RPS6KC1: variants seen among roughly 807,000 people sequenced by gnomAD.
The protein encoded by RPS6KC1 is inactive ribosomal protein S6 kinase delta-1.
A neutral mutation model predicts 103.8 loss-of-function variants in RPS6KC1; 54 were observed. The observed-to-expected ratio is 0.52, with a 90% CI of 0.42 to 0.65. RPS6KC1 has a LOEUF of 0.65. Ranked by LOEUF, RPS6KC1 falls within the 30% of genes least tolerant of loss-of-function variation. RPS6KC1 has a pLI of 0.00. For missense variants in RPS6KC1, 1,151 were observed against 1,253.8 expected (o/e 0.92, Z 1.24); for synonymous variants, 439 against 438.7 (o/e 1.00, Z -0.01).
intron 6 of RPS6KC1, among the ~76,000 whole-genome samples, chr1:213,138,277 A>T (rs183497434): frequency 2.5e-4 from 37 of 148,400 alleles, no homozygotes; most frequent in African/African-American, 8.9e-4. Context: ...CACTTTGCAG[A>T]TTTTTTTTTT....
the RPS6KC1 span, among the ~76,000 whole-genome samples, chr1:213,816,177 T>TATA: frequency 6.6e-6 from 1 of 151,924 alleles, no homozygotes; most frequent in Non-Finnish European, 1.5e-5. Flanking sequence ...TCATAACAGA[T>TATA]ATAATAATAA....
At chr1:213,136,057 A>G (rs2149044273) in intron 6 of RPS6KC1, among the ~76,000 whole-genome samples, 1 of 152,322 alleles carries the variant, frequency 6.6e-6, no homozygotes, top group South Asian at 2.1e-4. Flanking sequence ...ATGATTACAT[A>G]TAGCTCAATT....
rs1186494018 is a variant in RPS6KC1 at position 213,241,993 on chromosome 1, A to C, written c.2517A>C (p.Lys839Asn). 3 of 1,613,918 alleles carry C rather than the reference A, an allele frequency of 1.9e-6. No individual in the cohort carries two copies. The East Asian group carries it at 6.7e-5, about 36-fold the overall frequency. The change falls in exon 11 of 15, where the codon AAA (lysine) becomes AAC (asparagine). Residue 839 changes from lysine (K) to asparagine (N), a missense_variant. By Grantham distance (94) the Lys-to-Asn change is moderately conservative. This residue lies in a region of RPS6KC1 where 959 missense variants were observed against 1,006.3 expected (regional missense o/e 0.95). Transcript: ENST00000366960. ...ATATTGCAAGCACAGACACTTTAAAAACAGAAGAAGTATTGCTGTTTACAG... is the reference window on the plus strand; with the variant it reads ...ATATTGCAAGCACAGACACTTTAAACACAGAAGAAGTATTGCTGTTTACAG... ...NEYIASTDTLKTEEVLLFTDQ... is the reference protein window; with the variant it reads ...NEYIASTDTLNTEEVLLFTDQ...
the RPS6KC1 span, among the ~76,000 whole-genome samples, chr1:213,622,768 T>C: frequency 6.6e-6 from 1 of 152,116 alleles, no homozygotes; most frequent in Non-Finnish European, 1.5e-5. Context: ...TTTGCTCCCT[T>C]TCTCTTGAAC....
At chr1:213,735,469 G>T in the RPS6KC1 span, among the ~76,000 whole-genome samples, 1 of 152,180 alleles carries the variant, frequency 6.6e-6, no homozygotes, top group East Asian at 1.9e-4. Context: ...TTCTAAAGTG[G>T]ATAATCACAC....
chr1:213,613,520 A>G, the RPS6KC1 span, among the ~76,000 whole-genome samples: 1 of 152,192 alleles, frequency 6.6e-6, no homozygotes, highest in East Asian at 1.9e-4. Context: ...CCTCTTGTCT[A>G]CTTTATAAAA....
chr1:213,747,065 G>T, the RPS6KC1 span, among the ~76,000 whole-genome samples: 1 of 152,162 alleles, frequency 6.6e-6, no homozygotes, highest in Non-Finnish European at 1.5e-5. Flanking sequence ...ATGAGACTGG[G>T]TGAGTAAGGA....
At chr1:213,786,205 G>T in the RPS6KC1 span, among the ~76,000 whole-genome samples, 1 of 152,242 alleles carries the variant, frequency 6.6e-6, no homozygotes, top group East Asian at 1.9e-4. Flanking sequence ...AGCAGGACTG[G>T]GACAAAGTAC....
chr1:213,402,741 C>T, the RPS6KC1 span, among the ~76,000 whole-genome samples: 1 of 151,992 alleles, frequency 6.6e-6, no homozygotes, highest in Admixed American at 6.5e-5. Context: ...TTCCAATAAA[C>T]TCATAAGGAG....
chr1:213,058,059 C>CTT lies in RPS6KC1; in HGVS notation c.105+6575_105+6576dup, dbSNP rs756919339. On this transcript the variant is annotated intron_variant, in intron 1 of 14. Transcript: ENST00000366960. ...CTGGGATTACAGACGTGCGCCTGAC[C>CTT]TTTTTTTTTTTTTTTTTTTTTTTTT... Among the ~76,000 whole-genome samples the CTT allele has an allele frequency of 4.0e-3, 444 of 111,926 alleles. 47 individuals carry two copies. Among genetic ancestry groups the CTT allele is most frequent in the African/African-American group, 0.016 (412 of 25,358 alleles). 73.4% of individuals were successfully genotyped at this position (111,926 alleles called of 152,430 possible).
At chr1:213,514,776 G>C in the RPS6KC1 span, among the ~76,000 whole-genome samples, 7 of 152,158 alleles carry the variant, frequency 4.6e-5, no homozygotes, top group Non-Finnish European at 7.3e-5. Flanking sequence ...AATGGTATTT[G>C]TAATTCTAGA....
the RPS6KC1 span, among the ~76,000 whole-genome samples, chr1:213,377,825 C>T: frequency 6.6e-6 from 1 of 152,288 alleles, no homozygotes; most frequent in Non-Finnish European, 1.5e-5. Flanking sequence ...TGTTTCTTAC[C>T]TTCATGGGGA....
intron 10 of RPS6KC1, among the ~76,000 whole-genome samples, chr1:213,239,267 G>A (rs553360220): frequency 1.3e-5 from 2 of 152,188 alleles, no homozygotes; most frequent in Admixed American, 6.5e-5. Flanking sequence ...GAACCGAGGA[G>A]GTGGAGGCTT....
chr1:213,405,735 G>A, the RPS6KC1 span, among the ~76,000 whole-genome samples: 1 of 152,220 alleles, frequency 6.6e-6, no homozygotes, highest in Admixed American at 6.5e-5. Context: ...GGAGACTTGT[G>A]GGGTCTTTTT....
At chr1:213,187,535 T>A (rs1262141653) in intron 8 of RPS6KC1, among the ~76,000 whole-genome samples, 6 of 152,102 alleles carry the variant, frequency 3.9e-5, no homozygotes, top group Admixed American at 3.9e-4. Context: ...CATGAGCCAC[T>A]GTGCCTGGCC....
chr1:213,471,747 A>ATT, the RPS6KC1 span, among the ~76,000 whole-genome samples: 224 of 143,972 alleles, frequency 1.6e-3, no homozygotes, highest in African/African-American at 5.3e-3. Flanking sequence ...TTCTGCCTTC[A>ATT]TTTTTTTTTT....
At chr1:213,650,314 A>T in the RPS6KC1 span, among the ~76,000 whole-genome samples, 2 of 152,248 alleles carry the variant, frequency 1.3e-5, no homozygotes, top group African/African-American at 2.4e-5. Flanking sequence ...TTGTGCAACA[A>T]ATATCACCTG....
rs369326493 is a variant in RPS6KC1, at chr1:213,152,080, C to T, written c.836-15778C>T. On this transcript the variant is annotated intron_variant, in intron 6 of 14. Coordinates refer to ENST00000366960, the MANE Select transcript of RPS6KC1 (RefSeq NM_012424.6). Reference sequence around the variant, plus strand: ...CTAACCCCCCCACCTCCCTCCCGGACGGGGCGGCTGGCTGGGCAGAGGGGC... The same window carrying T: ...CTAACCCCCCCACCTCCCTCCCGGATGGGGCGGCTGGCTGGGCAGAGGGGC... 8.6e-3 allele frequency among the ~76,000 whole-genome samples: 1,156 copies of T among 134,974 alleles called. 30 individuals carry two copies. Among genetic ancestry groups the T allele is most frequent in the East Asian group, 0.067 (277 of 4,160 alleles). 88.5% of individuals were successfully genotyped at this position (134,974 alleles called of 152,430 possible).
the RPS6KC1 span, among the ~76,000 whole-genome samples, chr1:213,499,748 T>C: frequency 6.6e-6 from 1 of 152,242 alleles, no homozygotes; most frequent in Non-Finnish European, 1.5e-5. Context: ...ACCTAGGCTA[T>C]GTGCTATAGC....
Sources: gnomAD v4.1 joint callset for allele counts (sites outside exome capture counted in the v4.1 genomes callset) on GRCh38, gnomAD v4.1.1 for gene constraint, gnomAD v4.1.1 regional missense constraint, MANE v1.5 for transcripts, NCBI Gene and HGNC (gene_info 2026-07-23, HGNC 2026-07-21) for gene names.